The following LRRIQ3 variants were observed in gnomAD, a reference collection of about 807,000 sequenced individuals.
LRRIQ3 encodes leucine rich repeats and IQ motif containing 3, also known as leucine-rich repeat and IQ domain-containing protein 3.
Under a neutral mutation model 59.3 loss-of-function variants are expected in LRRIQ3, and 75 were observed. The observed-to-expected ratio is 1.26, with a 90% CI of 1.05 to 1.53. The LOEUF (loss-of-function observed/expected upper bound fraction) is 1.53, where lower values mean the gene tolerates loss of function less well. Among genes scored for constraint, LRRIQ3 ranks in the 40% most tolerant of loss-of-function variants. The pLI, the probability that LRRIQ3 is intolerant of heterozygous loss-of-function variation, is 0.00. For synonymous variants in LRRIQ3, 250 were observed against 231.3 expected, an observed-to-expected ratio of 1.08 and a Z score of -0.73; for missense variants, 831 against 710.0, an observed-to-expected ratio of 1.17 and a Z score of -1.94.
At chr1:74,115,155 T>C (rs993153633) in intron 4 of LRRIQ3, among the ~76,000 whole-genome samples, 1 of 152,072 alleles carries the variant, frequency 6.6e-6, no homozygotes, top group African/African-American at 2.4e-5. Flanking sequence ...GAAGTATTTA[T>C]TCACTCTTTC....
chr1:74,101,918 G>T (rs1288565459), intron 5 of LRRIQ3, among the ~76,000 whole-genome samples: 2 of 152,044 alleles, frequency 1.3e-5, no homozygotes, highest in Non-Finnish European at 1.5e-5. Flanking sequence ...ATATGGTGGG[G>T]GGAGCGGGGA....
In LRRIQ3 at chr1:74,028,392, A is replaced by G. The variant is rs577028536; in HGVS notation, c.1719-1423T>C. On this transcript the variant is annotated intron_variant, in intron 7 of 7. Coordinates refer to ENST00000354431, the MANE Select transcript of LRRIQ3 (RefSeq NM_001105659.2). ...AGATAACCTAACTCATAGGGTTAGTAAAGGACTAAGTGGGTTGATACATTA... is the reference window on the plus strand; with the variant it reads ...AGATAACCTAACTCATAGGGTTAGTGAAGGACTAAGTGGGTTGATACATTA... Among the ~76,000 whole-genome samples the G allele has an allele frequency of 4.3e-3, 649 of 152,206 alleles. 2 individuals are homozygous for G. The highest frequency in any genetic ancestry group is 0.017 in the Middle Eastern group (5 of 294).
At chr1:74,139,298 G>A (rs1647190104) in intron 4 of LRRIQ3, among the ~76,000 whole-genome samples, 1 of 150,720 alleles carries the variant, frequency 6.6e-6, no homozygotes, top group African/African-American at 2.4e-5. Context: ...GAAGGAAGGA[G>A]GGAGGGAGGG....
chr1:74,030,698 T>A (rs2100356882), intron 7 of LRRIQ3, among the ~76,000 whole-genome samples: 1 of 152,274 alleles, frequency 6.6e-6, no homozygotes, highest in Middle Eastern at 3.4e-3. Flanking sequence ...GACATAGGCA[T>A]GGGCAAGGAC....
At chr1:74,181,054 C>T in intron 3 of LRRIQ3, 1 of 427,756 alleles carries the variant, frequency 2.3e-6, no homozygotes, top group Non-Finnish European at 4.2e-6. Context: ...ACTGAATCTC[C>T]AAGTCCCAGA....
chr1:74,138,541 C>T, intron 4 of LRRIQ3: 3 of 968,972 alleles, frequency 3.1e-6, no homozygotes, highest in Non-Finnish European at 3.7e-6. Context: ...AGGAGAAAAA[C>T]TGCAAGTGGA....
intron 7 of LRRIQ3, 74 bp downstream of exon 7, chr1:74,041,139 G>T: frequency 8.5e-7 from 1 of 1,181,770 alleles, no homozygotes; most frequent in Non-Finnish European, 1.2e-6. Flanking sequence ...CTAATTATTA[G>T]GTCTTAAAAT....
At chr1:74,056,339 TG>T (rs1474920296) in intron 6 of LRRIQ3, among the ~76,000 whole-genome samples, 4 of 152,022 alleles carry the variant, frequency 2.6e-5, no homozygotes, top group Non-Finnish European at 4.4e-5. Flanking sequence ...TCTCACCACT[TG>T]TATTCAACAT....
At chr1:74,096,466 T>A (rs1404389441) in intron 5 of LRRIQ3, among the ~76,000 whole-genome samples, 2 of 152,164 alleles carry the variant, frequency 1.3e-5, no homozygotes, top group Middle Eastern at 6.8e-3. Context: ...GGAAAGCCAG[T>A]CAAAAGGCAT....
intron 6 of LRRIQ3, among the ~76,000 whole-genome samples, chr1:74,049,200 G>C (rs1271974818): frequency 6.6e-6 from 1 of 152,170 alleles, no homozygotes; most frequent in Non-Finnish European, 1.5e-5. Flanking sequence ...TAAGTAAGAG[G>C]AGAGTGGTGC....
intron 6 of LRRIQ3, among the ~76,000 whole-genome samples, chr1:74,050,016 C>T (rs774661222): frequency 1.3e-4 from 20 of 151,416 alleles, no homozygotes; most frequent in Middle Eastern, 6.8e-3. Context: ...CTCCGCCTCC[C>T]GGATTCAAGC....
chr1:74,052,798 T>C (rs1654407588), intron 6 of LRRIQ3, among the ~76,000 whole-genome samples: 1 of 152,166 alleles, frequency 6.6e-6, no homozygotes, highest in Admixed American at 6.6e-5. Flanking sequence ...TCATAATGTG[T>C]ATTATATCTG....
chr1:74,047,825 A>AC (rs1654249631), intron 6 of LRRIQ3, among the ~76,000 whole-genome samples: 1 of 151,938 alleles, frequency 6.6e-6, no homozygotes, highest in African/African-American at 2.4e-5. Flanking sequence ...TAGAGCCCCA[A>AC]CCCCCAGTGT....
intron 4 of LRRIQ3, among the ~76,000 whole-genome samples, chr1:74,136,579 T>A (rs1416424416): frequency 6.6e-6 from 1 of 151,950 alleles, no homozygotes; most frequent in Non-Finnish European, 1.5e-5. Context: ...CAAAAAATCA[T>A]CAGGGACTTT....
At chr1:74,189,284 G>T (rs566302772) in intron 1 of LRRIQ3, among the ~76,000 whole-genome samples, 1 of 152,222 alleles carries the variant, frequency 6.6e-6, no homozygotes, top group African/African-American at 2.4e-5. Context: ...AACTTCCTAA[G>T]GCTTAGGTTC....
intron 3 of LRRIQ3, among the ~76,000 whole-genome samples, chr1:74,177,812 G>A (rs1045806634): frequency 6.6e-6 from 1 of 151,816 alleles, no homozygotes; most frequent in African/African-American, 2.4e-5. Flanking sequence ...TTAGCTAGAG[G>A]AATATCTACT....
chr1:74,148,315 T>C (rs139786430), intron 4 of LRRIQ3, among the ~76,000 whole-genome samples: 9 of 152,260 alleles, frequency 5.9e-5, no homozygotes, highest in Admixed American at 5.9e-4. Context: ...TGACCATAAT[T>C]AGCATCAGAA....
chr1:74,061,289 A>G (rs536684358), intron 6 of LRRIQ3, among the ~76,000 whole-genome samples: 1 of 152,156 alleles, frequency 6.6e-6, no homozygotes, highest in Non-Finnish European at 1.5e-5. Context: ...GAAATGACAC[A>G]AACAAATGGA....
chr1:74,057,361 A>G (rs1654567458), intron 6 of LRRIQ3, among the ~76,000 whole-genome samples: 2 of 152,166 alleles, frequency 1.3e-5, no homozygotes, highest in South Asian at 4.1e-4. Context: ...AAAACGGTAT[A>G]GTAACCAAAG....
Sources: allele counts gnomAD v4.1 joint callset (sites outside exome capture counted in the v4.1 genomes callset), GRCh38; gene constraint gnomAD v4.1.1; transcripts MANE v1.5; gene names NCBI Gene and HGNC (gene_info 2026-07-23, HGNC 2026-07-21).